The following CLEC16A variants were observed in gnomAD, a reference collection of about 807,000 sequenced individuals.
The protein encoded by CLEC16A is protein CLEC16A.
CLEC16A carries 51 observed loss-of-function variants against 109.5 expected under a neutral mutation model. That is an observed-to-expected ratio of 0.47 (90% CI 0.37 to 0.59). The LOEUF is 0.59. Among genes scored for constraint, CLEC16A ranks in the 20% least tolerant of loss-of-function variants. The pLI is 0.00. For synonymous variants in CLEC16A, 673 were observed against 564.2 expected, an observed-to-expected ratio of 1.19 and a Z score of -2.73; for missense variants, 1,339 against 1,394.0, an observed-to-expected ratio of 0.96 and a Z score of 0.63.
At chr16:10,971,465 G>A in intron 5 of CLEC16A, 1 of 731,632 alleles carries the variant, frequency 1.4e-6, no homozygotes, top group East Asian at 1.3e-4. Flanking sequence ...CATAGAAGTA[G>A]GATGTCCTGA....
At chr16:11,000,607 G>T (rs540758408) in intron 10 of CLEC16A, among the ~76,000 whole-genome samples, 1 of 152,278 alleles carries the variant, frequency 6.6e-6, no homozygotes, top group East Asian at 1.9e-4. Context: ...TGTCTGTCAA[G>T]CAGTGCATTC....
At chr16:11,047,404 C>T (rs2047693187) in intron 17 of CLEC16A, 62 bp downstream of exon 17, 2 of 1,345,646 alleles carry the variant, frequency 1.5e-6, no homozygotes, top group Non-Finnish European at 1.0e-6. Context: ...CAAGCTCCCC[C>T]TGCCCATCCC....
At chr16:11,061,272 C>T (rs1034713200) in intron 19 of CLEC16A, among the ~76,000 whole-genome samples, 6 of 152,176 alleles carry the variant, frequency 3.9e-5, no homozygotes, top group African/African-American at 1.4e-4. Flanking sequence ...CTCTGCAGAG[C>T]ACCTGGAGGC....
chr16:11,163,823 T>C (rs1044738883), intron 22 of CLEC16A, among the ~76,000 whole-genome samples: 5 of 152,312 alleles, frequency 3.3e-5, no homozygotes, highest in Admixed American at 3.3e-4. Flanking sequence ...GTTACTACAC[T>C]GGCTGGCCCT....
At chr16:11,079,243 G>C (rs550288543) in intron 19 of CLEC16A, among the ~76,000 whole-genome samples, 1 of 152,330 alleles carries the variant, frequency 6.6e-6, no homozygotes, top group South Asian at 2.1e-4. Flanking sequence ...TTCTGAACCA[G>C]TGCCAGTCTT....
chr16:10,969,984 C>G (rs1446340562), intron 4 of CLEC16A, among the ~76,000 whole-genome samples: 1 of 152,114 alleles, frequency 6.6e-6, no homozygotes, highest in Admixed American at 6.5e-5. Flanking sequence ...AAGATAATGT[C>G]CCTGACATTC....
intron 19 of CLEC16A, among the ~76,000 whole-genome samples, chr16:11,073,604 A>G (rs1291586587): frequency 2.6e-5 from 4 of 152,124 alleles, no homozygotes; most frequent in African/African-American, 4.8e-5. Context: ...CTCTTCTCCC[A>G]TATGTCTTGC....
intron 20 of CLEC16A, among the ~76,000 whole-genome samples, chr16:11,121,102 A>G (rs552198511): frequency 6.6e-6 from 1 of 152,212 alleles, no homozygotes; most frequent in Non-Finnish European, 1.5e-5. Flanking sequence ...AATTATATAC[A>G]TATACTTGAG....
chr16:10,969,356 GCT>G, intron 4 of CLEC16A, 47 bp downstream of exon 4: 7 of 1,325,138 alleles, frequency 5.3e-6, no homozygotes, highest in South Asian at 3.0e-5. Flanking sequence ...GCCACACGTG[GCT>G]TTTTTTTTTT....
At chr16:10,991,736 G>A (rs778692704) in intron 10 of CLEC16A, among the ~76,000 whole-genome samples, 1 of 152,232 alleles carries the variant, frequency 6.6e-6, no homozygotes, top group Non-Finnish European at 1.5e-5. Context: ...TCTAATGAGC[G>A]GTGGACATCC....
intron 11 of CLEC16A, among the ~76,000 whole-genome samples, chr16:11,012,166 G>A (rs2045460817): frequency 6.6e-6 from 1 of 152,120 alleles, no homozygotes; most frequent in East Asian, 1.9e-4. Flanking sequence ...TTTTACCATA[G>A]GTGAGTTGAT....
chr16:10,963,840 G>A lies in CLEC16A; in HGVS notation c.343+1252G>A, dbSNP rs534610911. Among the ~76,000 whole-genome samples the A allele has an allele frequency of 2.6e-5, 4 of 152,338 alleles. No homozygotes were observed. In the South Asian group the frequency reaches 6.2e-4, roughly 24 times the overall value. The stretch of plus-strand genomic sequence containing the variant: ...ATCTAAAAACATTCTTGGGGGTGCT[G>A]CTGACATCTAGTGGGTAGAGGGTAG... On this transcript the variant is annotated intron_variant, in intron 3 of 23. Transcript: ENST00000409790.
At chr16:11,018,337 C>T (rs906443553) in intron 11 of CLEC16A, among the ~76,000 whole-genome samples, 2 of 151,554 alleles carry the variant, frequency 1.3e-5, no homozygotes, top group African/African-American at 2.4e-5. Flanking sequence ...AAGATGTCTC[C>T]GTGGAGGCGA....
At chr16:11,160,571 CT>C (rs1005131878) in intron 22 of CLEC16A, among the ~76,000 whole-genome samples, 26 of 152,304 alleles carry the variant, frequency 1.7e-4, no homozygotes, top group African/African-American at 6.3e-4. Context: ...TACAGGGCAG[CT>C]TTTTCTGCAC....
intron 10 of CLEC16A, 147 bp from the exon 11 acceptor site, chr16:11,002,927 A>G (rs2044754542): frequency 3.1e-6 from 2 of 641,830 alleles, no homozygotes; most frequent in South Asian, 2.0e-5. Flanking sequence ...ATAGTCCCGC[A>G]GTAAGCATGC....
At chr16:11,012,520 G>A (rs549883109) in intron 11 of CLEC16A, among the ~76,000 whole-genome samples, 23 of 149,440 alleles carry the variant, frequency 1.5e-4, no homozygotes, top group Non-Finnish European at 2.4e-4. Context: ...GCGTGAACCC[G>A]GGAGGCGGAG....
intron 19 of CLEC16A, among the ~76,000 whole-genome samples, chr16:11,067,974 C>T (rs1489587706): frequency 6.6e-6 from 1 of 152,242 alleles, no homozygotes; most frequent in Non-Finnish European, 1.5e-5. Context: ...GGGTTGTATT[C>T]ACCTCCTGGC....
At chr16:11,114,420 T>C (rs1420875512) in intron 19 of CLEC16A, among the ~76,000 whole-genome samples, 2 of 152,120 alleles carry the variant, frequency 1.3e-5, no homozygotes, top group Non-Finnish European at 2.9e-5. Flanking sequence ...ATGTCACCTG[T>C]CAGCTGCACT....
intron 10 of CLEC16A, among the ~76,000 whole-genome samples, chr16:10,997,504 A>G (rs2044400206): frequency 6.6e-6 from 1 of 152,182 alleles, no homozygotes; most frequent in African/African-American, 2.4e-5. Context: ...AGTTTTTTAA[A>G]TTGTGATAAA....
Sources: gnomAD v4.1 joint callset for allele counts (sites outside exome capture counted in the v4.1 genomes callset) on GRCh38, gnomAD v4.1.1 for gene constraint, MANE v1.5 for transcripts, NCBI Gene and HGNC (gene_info 2026-07-23, HGNC 2026-07-21) for gene names.